Variants in C1orf105 observed in about 807,000 individuals in gnomAD.
C1orf105 encodes uncharacterized protein C1orf105.
Under a neutral mutation model 20.8 loss-of-function variants are expected in C1orf105, and 17 were observed. The ratio of observed to expected loss-of-function variants is 0.82; its 90% CI spans 0.56 to 1.23. C1orf105 has a LOEUF of 1.23. C1orf105 is among the 50% of genes most tolerant of loss of function. The pLI is 0.00. For missense variants in C1orf105, 219 were observed against 213.5 expected, an observed-to-expected ratio of 1.03 and a Z score of -0.16; for synonymous variants, 72 against 72.1, an observed-to-expected ratio of 1.00 and a Z score of 0.01.
At chr1:172,441,563 A>C (rs1225832777) in intron 1 of C1orf105, 1 of 555,192 alleles carries the variant, frequency 1.8e-6, no homozygotes, top group Non-Finnish European at 3.0e-6. Flanking sequence ...CAGAAAGGAT[A>C]AGCACCCTCA....
chr1:172,430,246 C>A, intron 1 of C1orf105: 1 of 681,652 alleles, frequency 1.5e-6, no homozygotes, highest in Non-Finnish European at 2.7e-6. Context: ...TGATGAGTAA[C>A]TTCCCACCAC....
At chr1:172,457,956 C>T (rs1649415065) in intron 4 of C1orf105, among the ~76,000 whole-genome samples, 1 of 152,160 alleles carries the variant, frequency 6.6e-6, no homozygotes, top group African/African-American at 2.4e-5. Flanking sequence ...CAAAGTCCTC[C>T]CAAGGGGAGG....
intron 6 of C1orf105, among the ~76,000 whole-genome samples, chr1:172,466,063 T>C (rs1650030345): frequency 1.3e-5 from 2 of 152,192 alleles, no homozygotes; most frequent in Non-Finnish European, 1.5e-5. Flanking sequence ...ATTTGATACA[T>C]ACAGTAAAGA....
chr1:172,456,564 G>T, intron 4 of C1orf105, 75 bp downstream of exon 4: 1 of 1,445,422 alleles, frequency 6.9e-7, no homozygotes, highest in South Asian at 1.2e-5. Flanking sequence ...CAAGCCCTGT[G>T]GGGAGAGATA....
chr1:172,449,665 T>C (rs72725268), intron 3 of C1orf105, among the ~76,000 whole-genome samples: 5,596 of 152,160 alleles, frequency 0.037, 113 homozygotes, highest in Middle Eastern at 0.058. Context: ...AGAGGACACA[T>C]TGAAGGTTTT....
At chr1:172,467,156 T>C (rs1650126260) in intron 6 of C1orf105, among the ~76,000 whole-genome samples, 1 of 152,176 alleles carries the variant, frequency 6.6e-6, no homozygotes, top group Admixed American at 6.5e-5. Context: ...CCCACTGGAT[T>C]ATAGAGCTTA....
intron 1 of C1orf105, among the ~76,000 whole-genome samples, chr1:172,437,280 G>A (rs2072068541): frequency 6.6e-6 from 1 of 152,104 alleles, no homozygotes; most frequent in African/African-American, 2.4e-5. Flanking sequence ...AAAGACACAT[G>A]CACACGTATG....
chr1:172,461,585 A>G (rs1649697425), intron 4 of C1orf105, among the ~76,000 whole-genome samples: 1 of 152,242 alleles, frequency 6.6e-6, no homozygotes, highest in African/African-American at 2.4e-5. Flanking sequence ...GTAACTGTAC[A>G]TTGATTTTAG....
intron 4 of C1orf105, 76 bp downstream of exon 4, chr1:172,456,565 G>C: frequency 7.0e-7 from 1 of 1,427,336 alleles, no homozygotes; most frequent in Middle Eastern, 1.8e-4. Context: ...AAGCCCTGTG[G>C]GGAGAGATAG....
chr1:172,430,837 T>TC (rs1363046626), intron 1 of C1orf105, among the ~76,000 whole-genome samples: 25 of 151,236 alleles, frequency 1.7e-4, no homozygotes, highest in Non-Finnish European at 3.5e-4. Context: ...TCACTTTGTG[T>TC]TCCTGTGTCA....
intron 1 of C1orf105, chr1:172,442,285 C>G: frequency 6.2e-7 from 1 of 1,613,662 alleles, no homozygotes; most frequent in Non-Finnish European, 8.5e-7. Flanking sequence ...CCGGGTCTGC[C>G]CACTCTTCTT....
At chr1:172,434,555 T>C (rs1371404255) in intron 1 of C1orf105, among the ~76,000 whole-genome samples, 1 of 152,128 alleles carries the variant, frequency 6.6e-6, no homozygotes, top group Non-Finnish European at 1.5e-5. Context: ...TTGAAACCAA[T>C]GAGAACAAAG....
At chr1:172,437,525 A>G (rs749914097) in intron 1 of C1orf105, among the ~76,000 whole-genome samples, 3 of 136,056 alleles carry the variant, frequency 2.2e-5, no homozygotes, top group Non-Finnish European at 1.5e-5. Flanking sequence ...CATAGGTGGG[A>G]TTGAACAATG....
At chr1:172,468,183 T>A (rs897955102) in intron 6 of C1orf105, among the ~76,000 whole-genome samples, 4 of 152,204 alleles carry the variant, frequency 2.6e-5, no homozygotes, top group African/African-American at 9.7e-5. Flanking sequence ...GGGTACTCCT[T>A]TTGGCCTCAT....
rs370772265 is a variant in C1orf105, at chr1:172,462,170, T to C, written c.274-8T>C. The C allele has an allele frequency of 6.2e-7, 1 of 1,602,778 alleles. No homozygotes were observed. The highest frequency in any genetic ancestry group is 1.7e-4 in the Middle Eastern group (1 of 6,036). ...AGGCAACGTTCTAAATGAGACTTTC[T>C]TCTTGAGGTACAACCAAGAACAATG... On this transcript the variant is annotated splice_region_variant and splice_polypyrimidine_tract_variant and intron_variant, in intron 4 of 6. Transcript: ENST00000367727.
At chr1:172,457,789 G>T (rs1027235040) in intron 4 of C1orf105, among the ~76,000 whole-genome samples, 1 of 152,186 alleles carries the variant, frequency 6.6e-6, no homozygotes, top group African/African-American at 2.4e-5. Context: ...GCCACATGCT[G>T]CAATTTTACC....
chr1:172,458,391 T>A (rs1456826866), intron 4 of C1orf105, among the ~76,000 whole-genome samples: 1 of 152,192 alleles, frequency 6.6e-6, no homozygotes, highest in African/African-American at 2.4e-5. Context: ...AAGATCAGTA[T>A]ATAAACCTTA....
chr1:172,460,539 G>C (rs983941039), intron 4 of C1orf105, among the ~76,000 whole-genome samples: 12 of 152,078 alleles, frequency 7.9e-5, no homozygotes, highest in African/African-American at 2.7e-4. Flanking sequence ...CATCAAGCTA[G>C]ACAACTGTAA....
In C1orf105 at chr1:172,462,294, GA is replaced by G. The variant is rs762722050; in HGVS notation, c.341+50del. The G allele has an allele frequency of 4.5e-6, 6 of 1,339,642 alleles. No individual in the cohort carries two copies. The African/African-American group carries it at 7.4e-5, about 16-fold the overall frequency. 83.0% of individuals were successfully genotyped at this position (1,339,642 alleles called of 1,614,324 possible). On this transcript the variant is annotated intron_variant, in intron 5 of 6. Coordinates refer to ENST00000367727, the MANE Select transcript of C1orf105 (RefSeq NM_139240.4). ...ACATGACTTAATTCTTGTTATGTCT[GA>G]GGACACAGGAGAGTGGATTGAGAAG...
Sources: gnomAD v4.1 joint callset for allele counts (sites outside exome capture counted in the v4.1 genomes callset) on GRCh38, gnomAD v4.1.1 for gene constraint, MANE v1.5 for transcripts, NCBI Gene and HGNC (gene_info 2026-07-23, HGNC 2026-07-21) for gene names.